The following NSD3 variants were observed in gnomAD, a reference collection of about 807,000 sequenced individuals.
NSD3 encodes the protein nuclear receptor binding SET domain protein 3.
A neutral mutation model predicts 160.8 loss-of-function variants in NSD3; 24 were observed. That is an observed-to-expected ratio of 0.15 (90% CI 0.11 to 0.21). NSD3 has a LOEUF of 0.21. NSD3 is among the 10% of genes least tolerant of loss of function. The probability of loss-of-function intolerance (pLI) is 1.00; values close to 1 mark genes in which losing one functional copy is unlikely to be tolerated. For synonymous variants in NSD3, 520 were observed against 600.0 expected, an observed-to-expected ratio of 0.87 and a Z score of 1.95; for missense variants, 1,157 against 1,735.9, an observed-to-expected ratio of 0.67 and a Z score of 5.93.
intron 1 of NSD3, among the ~76,000 whole-genome samples, chr8:38,358,345 A>G (rs771526791): frequency 6.6e-6 from 1 of 152,090 alleles, no homozygotes; most frequent in Non-Finnish European, 1.5e-5. Flanking sequence ...GTCTTCCTTC[A>G]CCCCAGGATA....
intron 16 of NSD3, among the ~76,000 whole-genome samples, chr8:38,293,147 A>G (rs913787647): frequency 4.0e-5 from 6 of 151,700 alleles, no homozygotes; most frequent in African/African-American, 7.2e-5. Context: ...AAAAAAAAAA[A>G]AAAAAGAAAA....
At chr8:38,334,107 G>A (rs1481693974) in intron 4 of NSD3, among the ~76,000 whole-genome samples, 1 of 152,164 alleles carries the variant, frequency 6.6e-6, no homozygotes, top group Admixed American at 6.5e-5. Flanking sequence ...AGAATTTTTA[G>A]GCTGTGTTTT....
chr8:38,370,617 C>T (rs1306995100), intron 1 of NSD3, among the ~76,000 whole-genome samples: 9 of 152,030 alleles, frequency 5.9e-5, no homozygotes, highest in Admixed American at 5.9e-4. Flanking sequence ...GTATACTGTA[C>T]TACTTTAAAT....
chr8:38,318,919 T>C lies in NSD3; in HGVS notation c.1831A>G (p.Thr611Ala). 1.2e-6 allele frequency: 2 copies of C among 1,611,486 alleles called. No individual in the cohort carries two copies. The highest frequency in any genetic ancestry group is 1.1e-5 in the South Asian group (1 of 90,562). Residue 611 changes from threonine (T) to alanine (A), a missense_variant, in exon 9 of 24, where the codon ACA (threonine) becomes GCA (alanine). Around this residue, in one of 10 missense-constraint regions of NSD3, gnomAD observed 102 missense variants for 126.5 expected, o/e 0.81. Transcript: ENST00000317025. The surrounding 1 kb of genome is among the most constrained non-coding windows in gnomAD (Gnocchi z 5.3). The part of the protein sequence containing the change: ...KEQVETVPQA[T>A]VKTGLQKGAS... ...CCTTTCTGTAATCCAGTCTTCACTG[T>C]AGCCTGAGGAACTGTTTCAACCTGT...
Position 38,349,683 on chromosome 8 carries a change from ATATATATATG to A in NSD3, c.-44-1478_-44-1469del, listed in dbSNP as rs1413525372. ...TCTTTCTTTATATATATATATATAT[ATATATATATG>A]TATTTATTATACTTTAAGTTCTAGG... On this transcript the variant is annotated intron_variant, in intron 1 of 23. Coordinates refer to ENST00000317025, the MANE Select transcript of NSD3 (RefSeq NM_023034.2). Among the ~76,000 whole-genome samples the A allele has an allele frequency of 5.8e-3, 713 of 122,652 alleles. 14 individuals are homozygous for A. The highest frequency in any genetic ancestry group is 0.018 in the African/African-American group (614 of 33,878). 80.5% of individuals were successfully genotyped at this position (122,652 alleles called of 152,430 possible). A position where few individuals can be genotyped will look rare whatever the true frequency, so the allele number is the denominator to read the frequency against.
At chr8:38,303,886 G>T (rs1448453524) in intron 14 of NSD3, among the ~76,000 whole-genome samples, 1 of 152,134 alleles carries the variant, frequency 6.6e-6, no homozygotes, top group African/African-American at 2.4e-5. Flanking sequence ...TTATAATATG[G>T]CTTGAGATAA....
chr8:38,305,383 C>T lies in NSD3; in HGVS notation c.2305G>A (p.Ala769Thr), dbSNP rs374470862. Residue 769 changes from alanine (A) to threonine (T), a missense_variant, in exon 13 of 24, where the codon GCT becomes ACT. Ala to Thr is a moderately conservative substitution (Grantham distance 58). This residue lies in a region of NSD3 where 437 missense variants were observed against 576.6 expected (regional missense o/e 0.76). Transcript: ENST00000317025. Reference sequence around the variant, plus strand: ...GCTTCATGATAAAATTTCCCACAAGCACCAACAGAACAACGCTTCACATCT... The same window carrying T: ...GCTTCATGATAAAATTTCCCACAAGTACCAACAGAACAACGCTTCACATCT... ...GKDVKRCSVG[A>T]CGKFYHEACV... is the part of the protein sequence containing the mutation. The T allele has an allele frequency of 2.5e-6, 4 of 1,614,050 alleles. No individual in the cohort carries two copies. The Admixed American group carries it at 5.0e-5, about 20-fold the overall frequency.
chr8:38,308,884 A>C (rs1443901788), intron 12 of NSD3, among the ~76,000 whole-genome samples: 2 of 152,182 alleles, frequency 1.3e-5, no homozygotes, highest in African/African-American at 4.8e-5. Context: ...GAAAATAGTG[A>C]AAACTAGTGC....
chr8:38,271,808 C>T lies in NSD3; in HGVS notation c.*3833G>A, dbSNP rs1808490922. The T allele has an allele frequency of 6.6e-6, 1 of 152,218 alleles. No individual in the cohort carries two copies. 9.4% of individuals were successfully genotyped at this position (152,218 alleles called of 1,614,324 possible). A position where few individuals can be genotyped will look rare whatever the true frequency, so the allele number is the denominator to read the frequency against. On this transcript the variant is annotated 3_prime_UTR_variant, in exon 24 of 24. Transcript: ENST00000317025. The stretch of plus-strand genomic sequence containing the variant: ...AATGTCAGCTTCCCAGCTGTGAGGG[C>T]TCCATAGCCACTGTTTTCTTATCTT...
intron 15 of NSD3, among the ~76,000 whole-genome samples, chr8:38,296,654 CTT>C (rs1326390052): frequency 3.4e-5 from 5 of 146,726 alleles, no homozygotes; most frequent in Admixed American, 7.1e-5. Context: ...AAAAACCTCT[CTT>C]TCTCTCTCTC....
At chr8:38,290,372 G>T in intron 17 of NSD3, 103 bp downstream of exon 17, 2 of 1,197,970 alleles carry the variant, frequency 1.7e-6, no homozygotes, top group Non-Finnish European at 1.2e-6. Context: ...ATAATGTCTA[G>T]TGAAAATTCT....
At chr8:38,289,287 G>T in intron 18 of NSD3, 106 bp downstream of exon 18, 1 of 1,044,080 alleles carries the variant, frequency 9.6e-7, no homozygotes, top group Non-Finnish European at 1.4e-6. Flanking sequence ...AACTACTAAA[G>T]AGTAATGCAT....
intron 20 of NSD3, among the ~76,000 whole-genome samples, chr8:38,281,104 C>T (rs760070793): frequency 1.6e-4 from 25 of 152,236 alleles, no homozygotes; most frequent in Non-Finnish European, 3.5e-4. Context: ...TCCAGTAGAA[C>T]TTTAATAACG....
chr8:38,325,691 G>GCAAAAAGTA (rs1809892012), intron 7 of NSD3, among the ~76,000 whole-genome samples: 1 of 151,882 alleles, frequency 6.6e-6, no homozygotes, highest in African/African-American at 2.4e-5. Flanking sequence ...GGGCAACATG[G>GCAAAAAGTA]CAAAAAGTAC....
In NSD3 at chr8:38,315,960, T is replaced by C; in HGVS notation, c.1938A>G (p.Ala646=). Residue 646 remains alanine, a synonymous_variant, in exon 10 of 24, where the codon GCA becomes GCG. Transcript: ENST00000317025. ...ASTDVEMTSS[A]YRDTSDSDSR... ...AATCGGAGTCAGATGTGTCTCTGTA[T>C]GCTGAACTAGTCATTTCTACATCAG... 2 of 1,613,836 alleles carry C rather than the reference T, an allele frequency of 1.2e-6. No individual in the cohort carries two copies. Among genetic ancestry groups the C allele is most frequent in the Non-Finnish European group, 1.7e-6 (2 of 1,179,996 alleles).
chr8:38,305,448 G>A lies in NSD3; in HGVS notation c.2243-3C>T. The A allele has an allele frequency of 6.2e-7, 1 of 1,613,506 alleles. No individual in the cohort carries two copies. Among genetic ancestry groups the A allele is most frequent in the Non-Finnish European group, 8.5e-7 (1 of 1,179,690 alleles). On this transcript the variant is annotated splice_polypyrimidine_tract_variant and splice_region_variant and intron_variant, in intron 12 of 23. Transcript: ENST00000317025. Reference sequence around the variant, plus strand: ...ACACGAAAAACATGGGTGCTGCCCTGGAAAATTGGTGAGGAATACAAATTA... The same window carrying A: ...ACACGAAAAACATGGGTGCTGCCCTAGAAAATTGGTGAGGAATACAAATTA...
intron 1 of NSD3, among the ~76,000 whole-genome samples, chr8:38,348,767 T>C (rs1267836540): frequency 1.3e-5 from 2 of 152,080 alleles, no homozygotes; most frequent in Non-Finnish European, 2.9e-5. Context: ...GCTCAGGTGA[T>C]CCTCCCATCT....
intron 14 of NSD3, 86 bp from the exon 15 acceptor site, chr8:38,299,676 A>G (rs568907349): frequency 1.5e-6 from 2 of 1,340,656 alleles, no homozygotes; most frequent in Non-Finnish European, 1.9e-6. Context: ...CCTATTATGT[A>G]TGCTTCAAAG....
rs1410767463 is a variant in NSD3, at chr8:38,338,606, C to A, written c.677G>T (p.Arg226Ile). 3.1e-6 allele frequency: 5 copies of A among 1,613,284 alleles called. No individual in the cohort carries two copies. Among genetic ancestry groups the A allele is most frequent in the Non-Finnish European group, 3.4e-6 (4 of 1,179,458 alleles). ...TACAGTGTCAACCCTCTCATTTGGT[C>A]TCTAGGTGAAAAGGTATAGGTAAGT... ...IPKLEPEEQN[R>I]PNERVDTVSE... Residue 226 changes from arginine (R) to isoleucine (I), a missense_variant and splice_region_variant, in exon 3 of 24, where the codon AGA becomes ATA. By Grantham distance (97) the Arg-to-Ile change is moderately conservative (BLOSUM62 -3). Around this residue, in one of 10 missense-constraint regions of NSD3, gnomAD observed 99 missense variants for 151.8 expected, o/e 0.65. Transcript: ENST00000317025.
Sources: gnomAD v4.1 joint callset for allele counts (sites outside exome capture counted in the v4.1 genomes callset) on GRCh38, gnomAD v4.1.1 for gene constraint, gnomAD v4.1.1 regional missense constraint, Gnocchi (gnomAD v3.1) non-coding constraint, MANE v1.5 for transcripts, NCBI Gene and HGNC (gene_info 2026-07-23, HGNC 2026-07-21) for gene names.